Variants in KMT2C observed in about 807,000 individuals in gnomAD.
KMT2C encodes histone-lysine N-methyltransferase 2C.
Under a neutral mutation model 507.9 loss-of-function variants are expected in KMT2C, and 88 were observed. That is an observed-to-expected ratio of 0.17 (90% CI 0.15 to 0.21). KMT2C has a LOEUF of 0.21. Among genes scored for constraint, KMT2C ranks in the 10% least tolerant of loss-of-function variants. The pLI is 1.00. For synonymous variants in KMT2C, 2,049 were observed against 2,080.8 expected (o/e 0.98, Z 0.42); for missense variants, 4,954 against 5,957.8 (o/e 0.83, Z 5.55).
chr7:152,290,278 ATATATATATATATATATTTTTT>A (rs2096397104), intron 6 of KMT2C, among the ~76,000 whole-genome samples: 1 of 29,370 alleles, frequency 3.4e-5, no homozygotes, highest in African/African-American at 1.6e-4. Context: ...ATATATATAT[ATATATATATATATATATTTTTT>A]TTTTTTTTTT....
chr7:152,346,636 G>T (rs1252504034), intron 2 of KMT2C, among the ~76,000 whole-genome samples: 1 of 152,054 alleles, frequency 6.6e-6, no homozygotes, highest in Non-Finnish European at 1.5e-5. Flanking sequence ...ACAATGAGAG[G>T]GTTAGGGGCT....
At chr7:152,256,713 G>T (rs1325176579) in intron 9 of KMT2C, among the ~76,000 whole-genome samples, 1 of 152,120 alleles carries the variant, frequency 6.6e-6, no homozygotes, top group Non-Finnish European at 1.5e-5. Context: ...CACATGAACA[G>T]ACAATTCACG....
intron 16 of KMT2C, among the ~76,000 whole-genome samples, chr7:152,234,279 G>C (rs2095214221): frequency 6.6e-6 from 1 of 152,060 alleles, no homozygotes; most frequent in Non-Finnish European, 1.5e-5. Flanking sequence ...CTACCCAGGG[G>C]GCTGAGGCAG....
chr7:152,306,840 T>C (rs958563373), intron 6 of KMT2C, among the ~76,000 whole-genome samples: 5 of 152,230 alleles, frequency 3.3e-5, no homozygotes, highest in African/African-American at 1.2e-4. Flanking sequence ...AACTGGTCCA[T>C]CTTGTGCCTA....
At chr7:152,325,176 A>C (rs568836143) in intron 3 of KMT2C, among the ~76,000 whole-genome samples, 1 of 151,702 alleles carries the variant, frequency 6.6e-6, no homozygotes, top group African/African-American at 2.4e-5. Context: ...TTTGAGATGC[A>C]GTTTCTCTCT....
chr7:152,361,968 TTACTC>T lies in KMT2C; in HGVS notation c.162-3298_162-3294del, dbSNP rs1270959866. 5.9e-5 allele frequency among the ~76,000 whole-genome samples: 9 copies of T among 152,176 alleles called. No homozygotes were observed. The East Asian group carries it at 1.3e-3, about 23-fold the overall frequency. On this transcript the variant is annotated intron_variant, in intron 1 of 58. Coordinates refer to ENST00000262189, the MANE Select transcript of KMT2C (RefSeq NM_170606.3). ...AACACATTGAGCAAGCATTACTAGATTACTCTATCAATCTTCCTTTGTGTCTGACT... is the reference window on the plus strand; with the variant it reads ...AACACATTGAGCAAGCATTACTAGATTATCAATCTTCCTTTGTGTCTGACT...
At chr7:152,288,743 A>T (rs1220384816) in intron 6 of KMT2C, among the ~76,000 whole-genome samples, 2 of 150,772 alleles carry the variant, frequency 1.3e-5, no homozygotes, top group South Asian at 4.2e-4. Context: ...ATATATCATA[A>T]ACTTCTGAAA....
intron 6 of KMT2C, among the ~76,000 whole-genome samples, chr7:152,295,382 C>T (rs1049000898): frequency 2.0e-5 from 3 of 152,134 alleles, no homozygotes; most frequent in African/African-American, 7.2e-5. Flanking sequence ...TATTCTCTAC[C>T]CTACTTATTC....
At chr7:152,191,336 G>A (rs2093786439) in intron 31 of KMT2C, among the ~76,000 whole-genome samples, 1 of 152,150 alleles carries the variant, frequency 6.6e-6, no homozygotes, top group African/African-American at 2.4e-5. Flanking sequence ...GTCTTCCTCT[G>A]TTTCATGATT....
chr7:152,431,326 C>T (rs1219138021), intron 1 of KMT2C, among the ~76,000 whole-genome samples: 1 of 151,946 alleles, frequency 6.6e-6, no homozygotes, highest in Non-Finnish European at 1.5e-5. Flanking sequence ...GGGCCAGGTG[C>T]GGTGTTTCAT....
At chr7:152,297,406 A>C (rs1425928150) in intron 6 of KMT2C, among the ~76,000 whole-genome samples, 3 of 152,206 alleles carry the variant, frequency 2.0e-5, no homozygotes, top group African/African-American at 7.2e-5. Flanking sequence ...ATCTTCTCTC[A>C]AGCATTCACC....
intron 6 of KMT2C, among the ~76,000 whole-genome samples, chr7:152,295,287 T>C (rs950154168): frequency 1.3e-5 from 2 of 152,244 alleles, no homozygotes; most frequent in Non-Finnish European, 2.9e-5. Context: ...CATTTAATAC[T>C]GCTCTTCTTA....
At chr7:152,311,204 G>C (rs981251101) in intron 5 of KMT2C, among the ~76,000 whole-genome samples, 1 of 152,072 alleles carries the variant, frequency 6.6e-6, no homozygotes, top group African/African-American at 2.4e-5. Context: ...GAAATGTATA[G>C]AAAATAAACT....
chr7:152,268,246 T>G (rs2095892954), intron 7 of KMT2C, among the ~76,000 whole-genome samples: 1 of 152,030 alleles, frequency 6.6e-6, no homozygotes, highest in African/African-American at 2.4e-5. Context: ...GCCACTGCAC[T>G]CCAGCCTGGG....
intron 23 of KMT2C, 114 bp from the exon 24 acceptor site, chr7:152,207,542 C>T (rs1000621476): frequency 6.3e-5 from 54 of 862,244 alleles, no homozygotes; most frequent in Non-Finnish European, 8.7e-5. Context: ...TTGTACATCC[C>T]TGTTGGTAGG....
intron 1 of KMT2C, among the ~76,000 whole-genome samples, chr7:152,418,664 T>C (rs1043925590): frequency 6.6e-6 from 1 of 151,732 alleles, no homozygotes; most frequent in Non-Finnish European, 1.5e-5. Context: ...ACTCCTGACC[T>C]TGTGATATGC....
chr7:152,355,639 G>A (rs1167354822), intron 2 of KMT2C, among the ~76,000 whole-genome samples: 1 of 152,084 alleles, frequency 6.6e-6, no homozygotes, highest in African/African-American at 2.4e-5. Context: ...TCCTGAGAGT[G>A]GTTAGCTGTG....
chr7:152,280,838 T>C (rs988026643), intron 6 of KMT2C, among the ~76,000 whole-genome samples: 16 of 152,134 alleles, frequency 1.1e-4, no homozygotes, highest in African/African-American at 3.9e-4. Flanking sequence ...AAATCACTAT[T>C]ACATTTTTAA....
At chr7:152,348,378 CCT>C (rs2097079501) in intron 2 of KMT2C, among the ~76,000 whole-genome samples, 1 of 151,676 alleles carries the variant, frequency 6.6e-6, no homozygotes, top group Admixed American at 6.6e-5. Context: ...AGGTGGATCA[CCT>C]GAGGTCAGGA....
Sources: gnomAD v4.1 joint callset for allele counts (sites outside exome capture counted in the v4.1 genomes callset) on GRCh38, gnomAD v4.1.1 for gene constraint, MANE v1.5 for transcripts, NCBI Gene and HGNC (gene_info 2026-07-23, HGNC 2026-07-21) for gene names.